The following DRICH1 variants were observed in gnomAD, a reference collection of about 807,000 sequenced individuals.
DRICH1 encodes aspartate-rich protein 1.
Under a neutral mutation model 39.5 loss-of-function variants are expected in DRICH1, and 38 were observed. The observed-to-expected ratio is 0.96, with a 90% confidence interval of 0.74 to 1.26. DRICH1 has a LOEUF of 1.26. Among genes scored for constraint, DRICH1 ranks in the 50% most tolerant of loss-of-function variants. The probability of loss-of-function intolerance (pLI) is 0.00; values close to 1 mark genes in which losing one functional copy is unlikely to be tolerated. For synonymous variants in DRICH1, 84 were observed against 99.5 expected (o/e 0.84, Z 0.93); for missense variants, 279 against 270.4 (o/e 1.03, Z -0.22).
chr22:23,631,704 T>C (rs1029575377), intron 1 of DRICH1, 112 bp downstream of exon 1: 142 of 890,706 alleles, frequency 1.6e-4, no homozygotes, highest in Non-Finnish European at 2.3e-4. Flanking sequence ...AAGCTGGCTA[T>C]GGACAGGAGG....
chr22:23,607,588 G>C (rs778845941), downstream of DRICH1, among the ~76,000 whole-genome samples: 1 of 151,990 alleles, frequency 6.6e-6, no homozygotes, highest in African/African-American at 2.4e-5. Flanking sequence ...TTTCTTCTGA[G>C]AGTCTCATTA....
chr22:23,583,653 G>C, the DRICH1 span, among the ~76,000 whole-genome samples: 1 of 152,282 alleles, frequency 6.6e-6, no homozygotes, highest in African/African-American at 2.4e-5. Context: ...GATCCTCGGG[G>C]AGATGGGCAA....
the DRICH1 span, among the ~76,000 whole-genome samples, chr22:23,593,053 A>C: frequency 1.3e-5 from 2 of 151,982 alleles, no homozygotes; most frequent in Non-Finnish European, 2.9e-5. Context: ...AAAAAAACGA[A>C]ATTATTCCTG....
At chr22:23,628,278 A>G (rs780203102) in intron 1 of DRICH1, among the ~76,000 whole-genome samples, 1 of 152,176 alleles carries the variant, frequency 6.6e-6, no homozygotes, top group Admixed American at 6.5e-5. Context: ...CAGTTGATAC[A>G]CACGTCAGCC....
At chr22:23,629,019 GCTCTT>G (rs1239866798) in intron 1 of DRICH1, among the ~76,000 whole-genome samples, 8 of 151,286 alleles carry the variant, frequency 5.3e-5, no homozygotes, top group Non-Finnish European at 8.8e-5. Context: ...TTTCTCCTCC[GCTCTT>G]CTCTTTAATT....
At chr22:23,613,959 C>T (rs1405535976) in intron 9 of DRICH1, among the ~76,000 whole-genome samples, 176 bp downstream of exon 9, 1 of 152,150 alleles carries the variant, frequency 6.6e-6, no homozygotes, top group Non-Finnish European at 1.5e-5. Flanking sequence ...TTAAAAGCAC[C>T]CTAGTGGACC....
At chr22:23,589,779 A>G in the DRICH1 span, among the ~76,000 whole-genome samples, 19 of 152,054 alleles carry the variant, frequency 1.2e-4, no homozygotes, top group Non-Finnish European at 7.4e-5. Flanking sequence ...CTCAGCAGAT[A>G]CCTTGGTGTT....
the DRICH1 span, among the ~76,000 whole-genome samples, chr22:23,590,416 T>C: frequency 1.4e-3 from 211 of 152,046 alleles, 1 homozygote; most frequent in African/African-American, 4.8e-3. Context: ...TAGCTGGGAT[T>C]ATAGGCATGC....
intron 8 of DRICH1, among the ~76,000 whole-genome samples, chr22:23,615,327 G>A (rs777135749): frequency 3.9e-5 from 6 of 152,112 alleles, no homozygotes; most frequent in Non-Finnish European, 7.4e-5. Context: ...AGTGAGCCGC[G>A]ATCACGCCAT....
At chr22:23,581,468 AG>A in the DRICH1 span, 5 of 152,274 alleles carry the variant, frequency 3.3e-5, no homozygotes, top group African/African-American at 1.2e-4. Flanking sequence ...CTTCCTCCAG[AG>A]GCGGGGCTGG....
chr22:23,627,451 C>T (rs1928136781), intron 1 of DRICH1, among the ~76,000 whole-genome samples: 1 of 152,132 alleles, frequency 6.6e-6, no homozygotes, highest in African/African-American at 2.4e-5. Flanking sequence ...CACTAGATGG[C>T]ACAGGAGATC....
chr22:23,590,534 C>A, the DRICH1 span, among the ~76,000 whole-genome samples: 3 of 152,040 alleles, frequency 2.0e-5, no homozygotes, highest in Admixed American at 2.0e-4. Flanking sequence ...CTGCCTTGGT[C>A]TCCCAAAGTG....
rs1212044015 is a variant in DRICH1 at position 23,632,149 on chromosome 22, TG to T, written c.-127del. The T allele has an allele frequency of 5.2e-5, 77 of 1,475,606 alleles. 1 individual carries two copies. Among genetic ancestry groups the T allele is most frequent in the Non-Finnish European group, 1.8e-6 (2 of 1,101,336 alleles). 91.4% of individuals were successfully genotyped at this position (1,475,606 alleles called of 1,614,324 possible). A position where few individuals can be genotyped will look rare whatever the true frequency, so the allele number is the denominator to read the frequency against. On this transcript the variant is annotated 5_prime_UTR_variant, in exon 1 of 12. Transcript: ENST00000317749. ...GAAGCAGCCTGACCCCAGGCAGATC[TG>T]GGTCCTCAGCCCTTATTCTGCCGCC... is the stretch of plus-strand genomic sequence containing the variant.
chr22:23,595,138 T>C, the DRICH1 span, among the ~76,000 whole-genome samples: 20,897 of 138,938 alleles, frequency 0.15, 1,491 homozygotes, highest in East Asian at 0.23. Flanking sequence ...GAAGGAAGGG[T>C]TGGCAGTTTC....
chr22:23,598,244 T>C, the DRICH1 span, among the ~76,000 whole-genome samples: 1 of 149,858 alleles, frequency 6.7e-6, no homozygotes, highest in East Asian at 2.0e-4. Context: ...TTGACCAGAG[T>C]GAAGGCTGGG....
chr22:23,622,958 A>G (rs1927850890), intron 3 of DRICH1, among the ~76,000 whole-genome samples: 1 of 152,228 alleles, frequency 6.6e-6, no homozygotes, highest in Non-Finnish European at 1.5e-5. Flanking sequence ...GTTCAAATAT[A>G]CATGATCTAT....
the DRICH1 span, among the ~76,000 whole-genome samples, chr22:23,601,153 C>G: frequency 1.4e-4 from 21 of 151,632 alleles, no homozygotes; most frequent in East Asian, 2.9e-3. Context: ...CGCGCACACA[C>G]ACACACACAC....
At chr22:23,598,136 C>A in the DRICH1 span, among the ~76,000 whole-genome samples, 1 of 149,664 alleles carries the variant, frequency 6.7e-6, no homozygotes, top group African/African-American at 2.5e-5. Flanking sequence ...TCACCTCAGA[C>A]CTCGCTGTCC....
intron 6 of DRICH1, among the ~76,000 whole-genome samples, chr22:23,618,846 TATTC>T (rs1454635015): frequency 6.6e-6 from 1 of 152,186 alleles, no homozygotes; most frequent in Non-Finnish European, 1.5e-5. Flanking sequence ...CCTTGATGCC[TATTC>T]ATTCAGACAT....
Sources: allele counts gnomAD v4.1 joint callset (sites outside exome capture counted in the v4.1 genomes callset), GRCh38; gene constraint gnomAD v4.1.1; transcripts MANE v1.5; gene names NCBI Gene and HGNC (gene_info 2026-07-23, HGNC 2026-07-21).